The following UBE2V1 variants were observed in gnomAD, a reference collection of about 807,000 sequenced individuals.
The protein encoded by UBE2V1 is ubiquitin conjugating enzyme E2 V1, also known as ubiquitin-conjugating enzyme E2 variant 1.
Under a neutral mutation model 19.6 loss-of-function variants are expected in UBE2V1, and 15 were observed. That is an observed-to-expected ratio of 0.77 (90% confidence interval 0.51 to 1.18). The LOEUF (loss-of-function observed/expected upper bound fraction) is 1.18, where lower values mean the gene tolerates loss of function less well. UBE2V1 is among the 50% of genes most tolerant of loss of function. The pLI, the probability that UBE2V1 is intolerant of heterozygous loss-of-function variation, is 0.00. For synonymous variants in UBE2V1, 60 were observed against 60.7 expected (o/e 0.99, Z 0.05); for missense variants, 125 against 184.8 (o/e 0.68, Z 1.88).
At chr20:50,101,571 CAAAAAAAAAAA>C (rs11481618) in intron 1 of UBE2V1, among the ~76,000 whole-genome samples, 1 of 71,192 alleles carries the variant, frequency 1.4e-5, no homozygotes, top group African/African-American at 4.9e-5. Flanking sequence ...CATTTATAAG[CAAAAAAAAAAA>C]AAAAAAAAAA....
chr20:50,111,430 G>A (rs536472553), intron 1 of UBE2V1: 118 of 1,000,268 alleles, frequency 1.2e-4, no homozygotes, highest in Non-Finnish European at 1.4e-4. Flanking sequence ...GGGCCCCTTC[G>A]TTTATTACGA....
upstream of UBE2V1, among the ~76,000 whole-genome samples, chr20:50,114,432 A>C (rs1455747967): frequency 6.6e-6 from 1 of 152,126 alleles, no homozygotes; most frequent in Non-Finnish European, 1.5e-5. Flanking sequence ...CCTATGGCCC[A>C]TTCTCCATAT....
chr20:50,115,734 C>T (rs2080988691), upstream of UBE2V1: 9 of 834,382 alleles, frequency 1.1e-5, no homozygotes, highest in East Asian at 2.7e-4. Context: ...CCTCACAACT[C>T]GATGCAGCAA....
At chr20:50,110,863 C>T (rs78838753) in intron 1 of UBE2V1, among the ~76,000 whole-genome samples, 19 of 152,310 alleles carry the variant, frequency 1.2e-4, no homozygotes, top group Non-Finnish European at 2.2e-4. Context: ...GGCCTTTGCA[C>T]TAACAGCCCA....
rs1406052465 is a variant in UBE2V1, at chr20:50,113,146, T to TGAAGGCC, written c.-19_-18insGGCCTTC. On this transcript the variant is annotated 5_prime_UTR_variant, in exon 1 of 4. Transcript: ENST00000371674. Reference sequence around the variant, plus strand: ...GCTGCCATCTTGCGTCGCTCTTGCTTGAAGGCCGGCCCCTTCTTCACCCCC... The same window carrying TGAAGGCC: ...GCTGCCATCTTGCGTCGCTCTTGCTTGAAGGCCGAAGGCCGGCCCCTTCTTCACCCCC... 7 of 1,341,690 alleles carry TGAAGGCC rather than the reference T, an allele frequency of 5.2e-6. No individual in the cohort carries two copies. Among genetic ancestry groups the TGAAGGCC allele is most frequent in the Non-Finnish European group, 6.8e-6 (7 of 1,033,178 alleles). The allele number at this position is 1,341,690 out of a possible 1,614,324, so 83.1% of individuals were successfully genotyped here.
At chr20:50,093,987 C>CAAAAAAAAAAAAAAAAAAAAAAAAA (rs60174191) in intron 2 of UBE2V1, among the ~76,000 whole-genome samples, 3 of 56,306 alleles carry the variant, frequency 5.3e-5, no homozygotes, top group Non-Finnish European at 9.8e-5. Context: ...GACTCCAACT[C>CAAAAAAAAAAAAAAAAAAAAAAAAA]AAAAAAAAAA....
intron 1 of UBE2V1, among the ~76,000 whole-genome samples, chr20:50,104,108 CCT>C (rs1409204591): frequency 6.8e-6 from 1 of 146,538 alleles, no homozygotes; most frequent in African/African-American, 2.7e-5. Flanking sequence ...GTGGTGAAAC[CCT>C]GTCTCTACTA....
intron 1 of UBE2V1, among the ~76,000 whole-genome samples, chr20:50,106,181 C>T (rs990241912): frequency 6.6e-6 from 1 of 151,854 alleles, no homozygotes; most frequent in Non-Finnish European, 1.5e-5. Context: ...ATATTTGTTC[C>T]TATTATTTCA....
rs564250188 is a variant in UBE2V1, at chr20:50,086,505, C to T, written c.172-2251G>A. 7.2e-5 allele frequency among the ~76,000 whole-genome samples: 11 copies of T among 152,170 alleles called. No homozygotes were observed. The East Asian group carries it at 2.1e-3, about 29-fold the overall frequency. On this transcript the variant is annotated intron_variant, in intron 2 of 3. Transcript: ENST00000371674. ...AGAACAAGTAGGAAGCAAACAAAGG[C>T]ATGACTCACATACAGATTTATGGAG...
At chr20:50,093,176 G>T (rs540912032) in intron 2 of UBE2V1, among the ~76,000 whole-genome samples, 1 of 152,342 alleles carries the variant, frequency 6.6e-6, no homozygotes, top group African/African-American at 2.4e-5. Context: ...TGACAATGCT[G>T]CATGAAATAA....
At chr20:50,091,204 G>A (rs917701356) in intron 2 of UBE2V1, among the ~76,000 whole-genome samples, 7 of 151,812 alleles carry the variant, frequency 4.6e-5, no homozygotes, top group African/African-American at 9.7e-5. Flanking sequence ...GCATCACTAC[G>A]CCCAGCTAAT....
chr20:50,104,397 C>T (rs1413719645), intron 1 of UBE2V1: 1 of 982,690 alleles, frequency 1.0e-6, no homozygotes, highest in African/African-American at 1.8e-5. Context: ...GTGGCTCACG[C>T]CTATAATCCC....
At chr20:50,115,420 G>A, upstream of UBE2V1, 1 of 1,435,588 alleles carries the variant, frequency 7.0e-7, no homozygotes, top group Non-Finnish European at 9.3e-7. Context: ...ACTTGCCCTG[G>A]ACTTGGGGTC....
At chr20:50,108,215 C>A (rs2080517910) in intron 1 of UBE2V1, among the ~76,000 whole-genome samples, 1 of 152,106 alleles carries the variant, frequency 6.6e-6, no homozygotes, top group African/African-American at 2.4e-5. Context: ...ATCTTCCAGG[C>A]AAGAGAAAGA....
chr20:50,091,874 C>T (rs1168414065), intron 2 of UBE2V1, among the ~76,000 whole-genome samples: 1 of 152,180 alleles, frequency 6.6e-6, no homozygotes, highest in Non-Finnish European at 1.5e-5. Flanking sequence ...ACACCACACA[C>T]CAACTTAAGT....
At chr20:50,113,222 C>A (rs1304308183), upstream of UBE2V1, 9 of 1,065,966 alleles carry the variant, frequency 8.4e-6, no homozygotes, top group Admixed American at 1.3e-4. Flanking sequence ...CACGCACATA[C>A]GCCGCCGCTG....
intron 2 of UBE2V1, chr20:50,084,542 T>C (rs773201575): frequency 5.7e-6 from 3 of 522,868 alleles, no homozygotes; most frequent in South Asian, 4.6e-5. Context: ...TTAATTTCTC[T>C]ACTTTGCAGT....
intron 1 of UBE2V1, among the ~76,000 whole-genome samples, chr20:50,097,093 ACCT>A (rs1293701505): frequency 6.6e-6 from 1 of 152,066 alleles, no homozygotes; most frequent in Non-Finnish European, 1.5e-5. Context: ...CCTTGGACAA[ACCT>A]CCTAAGGGGC....
upstream of UBE2V1, chr20:50,113,245 G>A (rs2080899744): frequency 2.5e-6 from 2 of 803,040 alleles, no homozygotes; most frequent in Admixed American, 8.7e-5. Context: ...GCCCGCCCCG[G>A]AGACCTGCAC....
Sources: gnomAD v4.1 joint callset for allele counts (sites outside exome capture counted in the v4.1 genomes callset) on GRCh38, gnomAD v4.1.1 for gene constraint, MANE v1.5 for transcripts, NCBI Gene and HGNC (gene_info 2026-07-23, HGNC 2026-07-21) for gene names.